Variants in CHRNA4 observed in about 807,000 individuals in gnomAD.
CHRNA4 encodes neuronal acetylcholine receptor subunit alpha-4.
Under a neutral mutation model 48.9 loss-of-function variants are expected in CHRNA4, and 28 were observed. The ratio of observed to expected loss-of-function variants is 0.57; its 90% CI spans 0.42 to 0.79. The LOEUF (loss-of-function observed/expected upper bound fraction) is 0.79. Ranked by LOEUF, CHRNA4 falls within the 30% of genes least tolerant of loss-of-function variation. The pLI is 0.00. For synonymous variants in CHRNA4, 425 were observed against 402.3 expected (o/e 1.06, Z -0.68); for missense variants, 859 against 898.4 (o/e 0.96, Z 0.56).
chr20:63,355,556 A>C, intron 4 of CHRNA4: 1 of 1,294,122 alleles, frequency 7.7e-7, no homozygotes, highest in Non-Finnish European at 1.0e-6. Context: ...ATGGGGTCTG[A>C]TGGCGAAAAG....
rs796052312 is a variant in CHRNA4, at chr20:63,361,150, G to T, written c.16C>A (p.Pro6Thr). 6 of 1,480,510 alleles carry T rather than the reference G, an allele frequency of 4.1e-6. No individual in the cohort carries two copies. In the African/African-American group the frequency reaches 5.9e-5, roughly 14 times the overall value. The allele number at this position is 1,480,510 out of a possible 1,614,324, so 91.7% of individuals were successfully genotyped here. The change falls in exon 1 of 6, where the codon CCC becomes ACC. Residue 6 changes from proline (P) to threonine (T), a missense_variant. Pro to Thr is a conservative substitution (Grantham distance 38). This residue lies in a region of CHRNA4 where 342 missense variants were observed against 365.3 expected (regional missense o/e 0.94). Coordinates refer to ENST00000370263, the MANE Select transcript of CHRNA4 (RefSeq NM_000744.7). ...GGCGGCAGCAGCCGCGGCGCTCCGGGGCCCCCTAGCTCCATGGCGCACGCA... is the reference window on the plus strand; with the variant it reads ...GGCGGCAGCAGCCGCGGCGCTCCGGTGCCCCCTAGCTCCATGGCGCACGCA... The part of the protein sequence containing the change: MELGG[P>T]GAPRLLPPLL...
chr20:63,356,536 G>A (rs1046874450), intron 2 of CHRNA4, 121 bp from the exon 3 acceptor site: 17 of 1,048,742 alleles, frequency 1.6e-5, no homozygotes, highest in South Asian at 5.4e-5. Context: ...GTGGACGGGC[G>A]ACCTGTGGAG....
intron 2 of CHRNA4, among the ~76,000 whole-genome samples, chr20:63,358,530 G>A (rs920744628): frequency 1.3e-5 from 2 of 152,256 alleles, no homozygotes; most frequent in African/African-American, 4.8e-5. Flanking sequence ...CCATGTGGGG[G>A]TGCCCTCCCT....
At chr20:63,355,800 C>T (rs1438415579) in intron 4 of CHRNA4, 175 bp downstream of exon 4, 13 of 972,238 alleles carry the variant, frequency 1.3e-5, no homozygotes, top group South Asian at 1.2e-4. Context: ...ACACCAATTT[C>T]TCCATTGCTC....
chr20:63,355,494 A>G (rs566839767), intron 4 of CHRNA4: 1 of 1,288,990 alleles, frequency 7.8e-7, no homozygotes, highest in East Asian at 5.5e-5. Flanking sequence ...GGGCTTCCTC[A>G]CCCCTCTCCA....
intron 4 of CHRNA4, chr20:63,354,454 A>G (rs2068687529): frequency 7.4e-6 from 1 of 136,032 alleles, no homozygotes; most frequent in Non-Finnish European, 1.3e-5. Context: ...TGGTCCTGGC[A>G]GGGAATGTGG....
rs1005066999 is a variant in CHRNA4, at chr20:63,344,251, G to GAGC, written c.*2484_*2486dup. The stretch of plus-strand genomic sequence containing the variant: ...AGGATTCTGACTCCTCGAAGGTCGT[G>GAGC]AGCCGGAGAGGTCAATCCACGGTGC... On this transcript the variant is annotated 3_prime_UTR_variant, in exon 6 of 6. Coordinates refer to ENST00000370263, the MANE Select transcript of CHRNA4 (RefSeq NM_000744.7). This position sits in a 1 kb window ranked among gnomAD's most constrained non-coding sequence, Gnocchi z 4.5. 32 of 453,826 alleles carry GAGC rather than the reference G, an allele frequency of 7.1e-5. 1 individual carries two copies. The highest frequency in any genetic ancestry group is 4.5e-4 in the Admixed American group (19 of 42,560). The allele number at this position is 453,826 out of a possible 1,614,324, so 28.1% of individuals were successfully genotyped here. A position where few individuals can be genotyped will look rare whatever the true frequency, so the allele number is the denominator to read the frequency against.
chr20:63,350,674 T>C lies in CHRNA4; in HGVS notation c.737A>G (p.Tyr246Cys), dbSNP rs374072103. The change falls in exon 5 of 6, where the codon TAC (tyrosine) becomes TGC (cysteine). Residue 246 changes from tyrosine (Y) to cysteine (C), a missense_variant. Transcript: ENST00000370263. ...GCAGGGGATGATGAGGTTGATGGTG[T>C]AGAAGAGCGGCAGCCGCCGGATGAC... ...AFVIRRLPLF[Y>C]TINLIIPCLL... 9.3e-6 allele frequency: 15 copies of C among 1,613,596 alleles called. No homozygotes were observed. Among genetic ancestry groups the C allele is most frequent in the African/African-American group, 1.3e-5 (1 of 74,774 alleles).
At chr20:63,354,931 C>T (rs1277577403) in intron 4 of CHRNA4, among the ~76,000 whole-genome samples, 1 of 152,164 alleles carries the variant, frequency 6.6e-6, no homozygotes, top group Non-Finnish European at 1.5e-5. Context: ...TCCGGCCCTC[C>T]CACTGCCGGA....
In CHRNA4 at chr20:63,350,093, C is replaced by G. The variant is rs771136225; in HGVS notation, c.1318G>C (p.Ala440Pro). The change falls in exon 5 of 6, where the codon GCC becomes CCC. Residue 440 changes from alanine (A) to proline (P), a missense_variant. Coordinates refer to ENST00000370263, the MANE Select transcript of CHRNA4 (RefSeq NM_000744.7). ...GGTCCAGGCGAGGGGTGGGGGCTGG[C>G]TTTCTCAGCTTCCAGGGGCTGCTGA... ...PPQQPLEAEK[A>P]SPHPSPGPCR... The G allele has an allele frequency of 7.2e-6, 11 of 1,528,752 alleles. No individual in the cohort carries two copies. The East Asian group carries it at 1.9e-4, about 26-fold the overall frequency. 94.7% of individuals were successfully genotyped at this position (1,528,752 alleles called of 1,614,324 possible). A position where few individuals can be genotyped will look rare whatever the true frequency, so the allele number is the denominator to read the frequency against.
intron 4 of CHRNA4, 157 bp from the exon 5 acceptor site, chr20:63,351,184 T>TGCCCGC: frequency 1.1e-5 from 6 of 540,968 alleles, no homozygotes; most frequent in African/African-American, 2.6e-5. Flanking sequence ...CCCACATCCA[T>TGCCCGC]GTCCCACGCC....
intron 4 of CHRNA4, 52 bp from the exon 5 acceptor site, chr20:63,351,079 C>A (rs771735524): frequency 1.1e-5 from 17 of 1,572,604 alleles, no homozygotes; most frequent in African/African-American, 1.4e-5. Flanking sequence ...ATGCCCACGT[C>A]CACACCCACG....
At chr20:63,354,754 C>T (rs1709018586) in intron 4 of CHRNA4, 1 of 545,770 alleles carries the variant, frequency 1.8e-6, no homozygotes, top group Non-Finnish European at 2.3e-6. Flanking sequence ...TCCACTTCTC[C>T]CTGAAATGTG....
chr20:63,359,913 G>GCCGGGCGTGCGCTGTGCA, intron 1 of CHRNA4: 1 of 519,452 alleles, frequency 1.9e-6, no homozygotes. Flanking sequence ...GTGTGTGTGT[G>GCCGGGCGTGCGCTGTGCA]TGTGTGTGTG....
intron 4 of CHRNA4, chr20:63,354,605 CG>C: frequency 1.0e-5 from 4 of 386,344 alleles, no homozygotes; most frequent in Non-Finnish European, 1.2e-5. Context: ...CTGCAGTACT[CG>C]GGGGGCTGTG....
chr20:63,360,704 C>T (rs1480249987), intron 1 of CHRNA4, among the ~76,000 whole-genome samples: 1 of 152,236 alleles, frequency 6.6e-6, no homozygotes, highest in East Asian at 1.9e-4. Context: ...GGCCACCCCT[C>T]TGATCCCCTA....
rs45586134 is a variant in CHRNA4, at chr20:63,351,840, C to G, written c.384-813G>C. On this transcript the variant is annotated intron_variant, in intron 4 of 5. Transcript: ENST00000370263. ...AGGGGCTGATGTCCCTTGAACTCCTCCCGGTAGGCAGAGCTCCCAGCCCCA... is the reference window on the plus strand; with the variant it reads ...AGGGGCTGATGTCCCTTGAACTCCTGCCGGTAGGCAGAGCTCCCAGCCCCA... Among the ~76,000 whole-genome samples the G allele has an allele frequency of 2.5e-3, 383 of 152,358 alleles. 1 individual carries two copies. Among genetic ancestry groups the G allele is most frequent in the Non-Finnish European group, 4.6e-3 (310 of 68,032 alleles).
intron 5 of CHRNA4, 162 bp from the exon 6 acceptor site, chr20:63,347,025 G>A (rs928360708): frequency 1.1e-5 from 11 of 1,033,138 alleles, no homozygotes; most frequent in East Asian, 2.5e-5. Flanking sequence ...ACCGAGGGGA[G>A]GAATTGGGGT....
chr20:63,353,537 G>A (rs1373335056), intron 4 of CHRNA4, among the ~76,000 whole-genome samples: 1 of 119,966 alleles, frequency 8.3e-6, no homozygotes, highest in Admixed American at 7.8e-5. Flanking sequence ...GGTCCTAGAG[G>A]GGGCCATGGT....
Sources: allele counts gnomAD v4.1 joint callset (sites outside exome capture counted in the v4.1 genomes callset), GRCh38; gene constraint gnomAD v4.1.1; regional missense constraint gnomAD v4.1.1; non-coding constraint Gnocchi (gnomAD v3.1); transcripts MANE v1.5; gene names NCBI Gene and HGNC (gene_info 2026-07-23, HGNC 2026-07-21).